The following RALGAPA2 variants were observed in gnomAD, a reference collection of about 807,000 sequenced individuals.
RALGAPA2 encodes the protein Ral GTPase activating protein catalytic subunit alpha 2, also known as ral GTPase-activating protein subunit alpha-2.
In RALGAPA2, 139 loss-of-function variants were observed where a neutral mutation model predicts 230.4. The observed-to-expected ratio is 0.60, with a 90% CI of 0.53 to 0.69. RALGAPA2 has a LOEUF of 0.69. Among genes scored for constraint, RALGAPA2 ranks in the 30% least tolerant of loss-of-function variants. The probability of loss-of-function intolerance (pLI) is 0.00; values close to 1 mark genes in which losing one functional copy is unlikely to be tolerated. For missense variants in RALGAPA2, 2,163 were observed against 2,276.0 expected (o/e 0.95, Z 1.01); for synonymous variants, 847 against 837.8 (o/e 1.01, Z -0.19).
intron 4 of RALGAPA2, among the ~76,000 whole-genome samples, chr20:20,648,472 C>A (rs576068691): frequency 6.6e-6 from 1 of 152,140 alleles, no homozygotes; most frequent in Admixed American, 6.5e-5. Context: ...CAAAACTTAT[C>A]AAAATGTGCA....
chr20:20,666,647 T>C (rs2067964538), intron 3 of RALGAPA2, among the ~76,000 whole-genome samples: 1 of 152,244 alleles, frequency 6.6e-6, no homozygotes, highest in Admixed American at 6.5e-5. Flanking sequence ...GCGCAGAAAC[T>C]GTGGCAACTA....
At chr20:20,413,146 C>T (rs751560247) in intron 37 of RALGAPA2, among the ~76,000 whole-genome samples, 44 of 152,150 alleles carry the variant, frequency 2.9e-4, no homozygotes, top group Non-Finnish European at 4.9e-4. Context: ...GCTAATTCTC[C>T]GGGAACACAG....
intron 31 of RALGAPA2, among the ~76,000 whole-genome samples, chr20:20,520,074 C>G (rs545475398): frequency 6.6e-6 from 1 of 152,248 alleles, no homozygotes; most frequent in Non-Finnish European, 1.5e-5. Flanking sequence ...GTTGAGACAA[C>G]TGAAGATTCA....
chr20:20,483,532 G>A (rs1444300662), intron 36 of RALGAPA2, among the ~76,000 whole-genome samples: 1 of 152,060 alleles, frequency 6.6e-6, no homozygotes, highest in Non-Finnish European at 1.5e-5. Context: ...TCATCACTAA[G>A]GCATCAGGAC....
chr20:20,557,676 T>C (rs544788839), intron 23 of RALGAPA2, among the ~76,000 whole-genome samples: 19 of 152,330 alleles, frequency 1.2e-4, no homozygotes, highest in Admixed American at 1.0e-3. Context: ...CTGCACCCTA[T>C]GTTACCCCAG....
chr20:20,504,458 T>C (rs1046350750), intron 34 of RALGAPA2, among the ~76,000 whole-genome samples: 3 of 152,082 alleles, frequency 2.0e-5, no homozygotes, highest in Non-Finnish European at 4.4e-5. Flanking sequence ...AATAAGGAAA[T>C]TGGCCGGGCA....
intron 18 of RALGAPA2, among the ~76,000 whole-genome samples, chr20:20,585,901 C>A (rs1297424482): frequency 1.3e-5 from 2 of 151,858 alleles, no homozygotes; most frequent in Non-Finnish European, 2.9e-5. Context: ...CAAATGTTGA[C>A]CATGGCAAAA....
intron 37 of RALGAPA2, among the ~76,000 whole-genome samples, chr20:20,413,761 T>C (rs574892635): frequency 4.6e-5 from 7 of 152,346 alleles, no homozygotes; most frequent in African/African-American, 1.7e-4. Flanking sequence ...AAGTGGCCCC[T>C]CTAATGATTT....
chr20:20,516,167 C>T (rs1040368112), intron 31 of RALGAPA2, among the ~76,000 whole-genome samples: 1 of 152,206 alleles, frequency 6.6e-6, no homozygotes, highest in Admixed American at 6.5e-5. Context: ...CTCAAAGGAG[C>T]CATGGCTGGC....
intron 1 of RALGAPA2, among the ~76,000 whole-genome samples, chr20:20,706,551 TA>T (rs1194961066): frequency 2.6e-5 from 4 of 152,164 alleles, no homozygotes; most frequent in Non-Finnish European, 5.9e-5. Context: ...CAATGAACAC[TA>T]AAACACCGGA....
intron 7 of RALGAPA2, among the ~76,000 whole-genome samples, chr20:20,639,033 G>A (rs59566248): frequency 1.3e-5 from 2 of 152,192 alleles, no homozygotes; most frequent in Non-Finnish European, 2.9e-5. Flanking sequence ...AGCAAAACCT[G>A]AAGTGTGCCC....
intron 23 of RALGAPA2, among the ~76,000 whole-genome samples, chr20:20,559,221 CAG>C (rs2064179434): frequency 1.3e-5 from 2 of 152,290 alleles, no homozygotes; most frequent in Non-Finnish European, 2.9e-5. Context: ...TGCAAAAAAA[CAG>C]AGGGCAACCC....
In RALGAPA2 at chr20:20,438,746, A is replaced by T. The variant is rs546271229; in HGVS notation, c.5496-26598T>A. Among the ~76,000 whole-genome samples the T allele has an allele frequency of 3.3e-5, 5 of 152,334 alleles. No homozygotes were observed. In the South Asian group the frequency reaches 1.0e-3, roughly 32 times the overall value. On this transcript the variant is annotated intron_variant, in intron 37 of 39. Coordinates refer to ENST00000202677, the MANE Select transcript of RALGAPA2 (RefSeq NM_020343.4). Reference sequence around the variant, plus strand: ...TTGACTGAAAACAAAATGGAGTTTCAAGCTATCAGACTAAAAGACGGACTA... The same window carrying T: ...TTGACTGAAAACAAAATGGAGTTTCTAGCTATCAGACTAAAAGACGGACTA...
chr20:20,531,781 C>G lies in RALGAPA2; in HGVS notation c.3488G>C (p.Cys1163Ser). 6.2e-7 allele frequency: 1 copy of G among 1,602,386 alleles called. No individual in the cohort carries two copies. The highest frequency in any genetic ancestry group is 8.5e-7 in the Non-Finnish European group (1 of 1,174,218). Residue 1163 changes from cysteine to serine, a missense_variant, in exon 27 of 40, where the codon TGC becomes TCC. Transcript: ENST00000202677. ...TTCACATATCCAGACCCCAAGGGAG[C>G]AAACAGCAATGCATCTTTTTAAAAA... ...PNEYARCIAVCSLGVWICEEL... is the reference protein window; with the variant it reads ...PNEYARCIAVSSLGVWICEEL...
chr20:20,659,521 T>C (rs182908471), intron 3 of RALGAPA2, among the ~76,000 whole-genome samples: 119 of 152,296 alleles, frequency 7.8e-4, no homozygotes, highest in Admixed American at 6.5e-5. Context: ...CCAGAAAATA[T>C]ACAGATTAAT....
At chr20:20,690,629 G>A (rs1375156174) in intron 1 of RALGAPA2, among the ~76,000 whole-genome samples, 3 of 146,244 alleles carry the variant, frequency 2.1e-5, no homozygotes, top group African/African-American at 7.5e-5. Context: ...CACCTGTAAA[G>A]GCTGTTTCCT....
At chr20:20,633,344 A>G (rs2066751526) in intron 9 of RALGAPA2, among the ~76,000 whole-genome samples, 1 of 152,024 alleles carries the variant, frequency 6.6e-6, no homozygotes, top group Non-Finnish European at 1.5e-5. Context: ...CATGTTGGCC[A>G]GGCTGGTCTC....
intron 34 of RALGAPA2, among the ~76,000 whole-genome samples, 173 bp from the exon 35 acceptor site, chr20:20,503,679 A>C (rs1413498451): frequency 6.6e-6 from 1 of 152,272 alleles, no homozygotes; most frequent in Non-Finnish European, 1.5e-5. Context: ...AAAGAAATAA[A>C]AAACATTAAA....
At chr20:20,493,378 C>A (rs1451658903) in intron 36 of RALGAPA2, among the ~76,000 whole-genome samples, 3 of 152,126 alleles carry the variant, frequency 2.0e-5, no homozygotes, top group Admixed American at 6.5e-5. Flanking sequence ...ATTAAGAAAG[C>A]GATTTGCTCA....
Sources: allele counts gnomAD v4.1 joint callset (sites outside exome capture counted in the v4.1 genomes callset), GRCh38; gene constraint gnomAD v4.1.1; transcripts MANE v1.5; gene names NCBI Gene and HGNC (gene_info 2026-07-23, HGNC 2026-07-21).